Variants in ROBO2 observed in about 807,000 individuals in gnomAD.
ROBO2 encodes the protein roundabout homolog 2.
A neutral mutation model predicts 160.8 loss-of-function variants in ROBO2; 53 were observed. That is an observed-to-expected ratio of 0.33 (90% CI 0.26 to 0.41). ROBO2 has a LOEUF of 0.41. Among genes scored for constraint, ROBO2 ranks in the 10% least tolerant of loss-of-function variants. The pLI is 1.00. For missense variants in ROBO2, 1,577 were observed against 1,722.4 expected (o/e 0.92, Z 1.49); for synonymous variants, 664 against 611.7 (o/e 1.09, Z -1.26).
intron 20 of ROBO2, among the ~76,000 whole-genome samples, chr3:77,603,542 G>C (rs1053279328): frequency 6.6e-6 from 1 of 152,004 alleles, no homozygotes; most frequent in Non-Finnish European, 1.5e-5. Flanking sequence ...ATACAAGAAA[G>C]TTAATATGGG....
chr3:76,817,727 T>C (rs538729073), intron 2 of ROBO2, among the ~76,000 whole-genome samples: 1 of 152,070 alleles, frequency 6.6e-6, no homozygotes, highest in East Asian at 1.9e-4. Context: ...CTCCGAATTA[T>C]GAATGAGAAC....
At chr3:76,987,133 C>G (rs1477874288) in intron 2 of ROBO2, among the ~76,000 whole-genome samples, 2 of 152,166 alleles carry the variant, frequency 1.3e-5, no homozygotes, top group Non-Finnish European at 2.9e-5. Flanking sequence ...CTTGAAATTC[C>G]GTTGGGCAAT....
chr3:76,068,810 A>G (rs2068347562), intron 2 of ROBO2, among the ~76,000 whole-genome samples: 1 of 152,102 alleles, frequency 6.6e-6, no homozygotes, highest in African/African-American at 2.4e-5. Flanking sequence ...CAAGGCCAAC[A>G]TTGATCTCCA....
chr3:77,636,046 G>A (rs1447511087), intron 24 of ROBO2, among the ~76,000 whole-genome samples: 1 of 151,998 alleles, frequency 6.6e-6, no homozygotes, highest in African/African-American at 2.4e-5. Context: ...GTTTTATAGG[G>A]TGCTCATCCC....
chr3:76,505,222 T>G (rs1027867953), intron 2 of ROBO2, among the ~76,000 whole-genome samples: 3 of 152,168 alleles, frequency 2.0e-5, no homozygotes, highest in Non-Finnish European at 4.4e-5. Context: ...GGAGTACGAC[T>G]GATGATTTGA....
At chr3:76,388,693 T>A (rs1316364935) in intron 2 of ROBO2, among the ~76,000 whole-genome samples, 1 of 152,194 alleles carries the variant, frequency 6.6e-6, no homozygotes, top group African/African-American at 2.4e-5. Flanking sequence ...CAGCTCTAGA[T>A]CTTTTTTTCA....
intron 2 of ROBO2, among the ~76,000 whole-genome samples, chr3:77,189,638 G>A (rs977004806): frequency 1.3e-5 from 2 of 151,872 alleles, no homozygotes; most frequent in African/African-American, 4.8e-5. Flanking sequence ...TTACTTTCTG[G>A]TGAGACTTTT....
intron 2 of ROBO2, among the ~76,000 whole-genome samples, chr3:76,415,250 T>C (rs2075706432): frequency 6.6e-6 from 1 of 152,120 alleles, no homozygotes; most frequent in South Asian, 2.1e-4. Flanking sequence ...CAATGGGACT[T>C]CAACAAAAAT....
chr3:76,234,298 T>G (rs780453574), intron 2 of ROBO2, among the ~76,000 whole-genome samples: 8 of 152,218 alleles, frequency 5.3e-5, no homozygotes, highest in South Asian at 2.1e-4. Flanking sequence ...GAATAATTTA[T>G]GTTCTTTGGG....
intron 2 of ROBO2, among the ~76,000 whole-genome samples, chr3:76,596,458 A>AC (rs1192342568): frequency 6.6e-6 from 1 of 152,066 alleles, no homozygotes; most frequent in Admixed American, 6.6e-5. Context: ...AGAATGGAAA[A>AC]CCGGCAGCAG....
chr3:77,538,127 T>C (rs1228127403), intron 6 of ROBO2, among the ~76,000 whole-genome samples: 3 of 129,484 alleles, frequency 2.3e-5, no homozygotes, highest in African/African-American at 8.9e-5. Flanking sequence ...ACAAAAAAAA[T>C]AGTTAATTAG....
At chr3:77,278,354 A>T (rs1435645308) in intron 2 of ROBO2, among the ~76,000 whole-genome samples, 1 of 152,116 alleles carries the variant, frequency 6.6e-6, no homozygotes, top group Non-Finnish European at 1.5e-5. Flanking sequence ...ACTGTAACTC[A>T]TATCTTTCCA....
At chr3:77,028,114 C>G (rs2063088659) in intron 2 of ROBO2, among the ~76,000 whole-genome samples, 1 of 151,954 alleles carries the variant, frequency 6.6e-6, no homozygotes. Context: ...CCCACTGTGG[C>G]AAATCAACAA....
intron 2 of ROBO2, among the ~76,000 whole-genome samples, chr3:76,076,243 C>A (rs973726809): frequency 5.9e-5 from 9 of 152,158 alleles, no homozygotes; most frequent in Non-Finnish European, 1.2e-4. Flanking sequence ...AAATCTATAA[C>A]CATGTATCAG....
chr3:77,332,980 T>C (rs1324019422), intron 2 of ROBO2, among the ~76,000 whole-genome samples: 1 of 152,234 alleles, frequency 6.6e-6, no homozygotes, highest in Admixed American at 6.5e-5. Context: ...GTGTCTGTGA[T>C]GATTTGCCCT....
chr3:76,693,650 A>C (rs1473711667), intron 2 of ROBO2, among the ~76,000 whole-genome samples: 3 of 152,082 alleles, frequency 2.0e-5, no homozygotes, highest in Admixed American at 6.6e-5. Context: ...TGAGAACAAG[A>C]GGAGTTGATC....
chr3:76,644,963 A>G (rs1051201083), intron 2 of ROBO2, among the ~76,000 whole-genome samples: 5 of 152,236 alleles, frequency 3.3e-5, no homozygotes, highest in Non-Finnish European at 5.9e-5. Context: ...CAAACTGCCA[A>G]TTAAAGAGGA....
intron 2 of ROBO2, chr3:76,311,139 G>T (rs2071562379): frequency 6.6e-6 from 1 of 152,202 alleles, no homozygotes; most frequent in Non-Finnish European, 1.5e-5. Context: ...GAGAAATGTA[G>T]CTTGGCTCAG....
chr3:76,965,358 G>A (rs571662057), intron 2 of ROBO2, among the ~76,000 whole-genome samples: 1 of 152,330 alleles, frequency 6.6e-6, no homozygotes, highest in African/African-American at 2.4e-5. Context: ...CTACACTCAG[G>A]AAATTGGTAG....
Sources: gnomAD v4.1 joint callset for allele counts (sites outside exome capture counted in the v4.1 genomes callset) on GRCh38, gnomAD v4.1.1 for gene constraint, MANE v1.5 for transcripts, NCBI Gene and HGNC (gene_info 2026-07-23, HGNC 2026-07-21) for gene names.